The following EEFSEC variants were observed in gnomAD, a reference collection of about 807,000 sequenced individuals.
The protein encoded by EEFSEC is selenocysteine-specific elongation factor.
Under a neutral mutation model 42.1 loss-of-function variants are expected in EEFSEC, and 43 were observed. The ratio of observed to expected loss-of-function variants is 1.02; its 90% CI spans 0.80 to 1.32. EEFSEC has a LOEUF of 1.32. EEFSEC is among the 40% of genes most tolerant of loss of function. The pLI is 0.00. For missense variants in EEFSEC, 745 were observed against 803.6 expected, an observed-to-expected ratio of 0.93 and a Z score of 0.88; for synonymous variants, 354 against 339.1, an observed-to-expected ratio of 1.04 and a Z score of -0.48.
chr3:128,225,011 G>A (rs1214414913), intron 1 of EEFSEC, among the ~76,000 whole-genome samples: 2 of 152,228 alleles, frequency 1.3e-5, no homozygotes, highest in African/African-American at 4.8e-5. Flanking sequence ...CCCAGGCATG[G>A]TTACCCCGAG....
At chr3:128,420,611 C>G in the EEFSEC span, among the ~76,000 whole-genome samples, 1 of 152,240 alleles carries the variant, frequency 6.6e-6, no homozygotes, top group Non-Finnish European at 1.5e-5. Context: ...TCCTTCTTTC[C>G]TTGCAGGCCT....
intron 6 of EEFSEC, among the ~76,000 whole-genome samples, chr3:128,380,069 G>A (rs546398384): frequency 3.3e-5 from 5 of 152,334 alleles, no homozygotes; most frequent in Admixed American, 1.3e-4. Flanking sequence ...ATTAGTGGGT[G>A]TCTACAGCAG....
At chr3:128,213,171 C>T (rs915988126) in intron 1 of EEFSEC, among the ~76,000 whole-genome samples, 1 of 152,196 alleles carries the variant, frequency 6.6e-6, no homozygotes, top group Non-Finnish European at 1.5e-5. Context: ...TGGGTTGTGG[C>T]AGTTGCTGCA....
At chr3:128,335,313 T>C (rs2067177859) in intron 4 of EEFSEC, among the ~76,000 whole-genome samples, 1 of 152,082 alleles carries the variant, frequency 6.6e-6, no homozygotes, top group African/African-American at 2.4e-5. Context: ...AAAAACCAAG[T>C]GGGCAAGGTG....
At chr3:128,271,162 C>T (rs1443865712) in intron 4 of EEFSEC, among the ~76,000 whole-genome samples, 1 of 152,204 alleles carries the variant, frequency 6.6e-6, no homozygotes, top group African/African-American at 2.4e-5. Flanking sequence ...GGCAGCCCCC[C>T]ACTTCCTGCT....
At chr3:128,323,348 G>A (rs946472752) in intron 4 of EEFSEC, among the ~76,000 whole-genome samples, 4 of 152,144 alleles carry the variant, frequency 2.6e-5, no homozygotes, top group Admixed American at 2.6e-4. Context: ...TTCTCCAGGC[G>A]GATTCCCTGA....
chr3:128,175,111 A>C (rs1486194592), intron 1 of EEFSEC, among the ~76,000 whole-genome samples: 54 of 127,094 alleles, frequency 4.2e-4, no homozygotes, highest in African/African-American at 6.3e-4. Flanking sequence ...CCTCTGCTCT[A>C]CTCCTCCTCC....
intron 4 of EEFSEC, among the ~76,000 whole-genome samples, chr3:128,313,939 G>A (rs908065508): frequency 6.6e-6 from 1 of 152,194 alleles, no homozygotes; most frequent in African/African-American, 2.4e-5. Context: ...ACCTCTGCAT[G>A]TGGAAGCTTA....
At chr3:128,363,698 G>C (rs1702123) in intron 6 of EEFSEC, among the ~76,000 whole-genome samples, 154 of 152,356 alleles carry the variant, frequency 1.0e-3, no homozygotes, top group African/African-American at 3.6e-3. Flanking sequence ...ATGCCCATCA[G>C]TGTGCCATGC....
chr3:128,251,067 A>G (rs1456186340), intron 2 of EEFSEC, among the ~76,000 whole-genome samples: 2 of 151,928 alleles, frequency 1.3e-5, no homozygotes, highest in Non-Finnish European at 2.9e-5. Context: ...GTGGATAGAA[A>G]CACACCTGAT....
At chr3:128,283,841 G>A (rs986801576) in intron 4 of EEFSEC, among the ~76,000 whole-genome samples, 16 of 152,164 alleles carry the variant, frequency 1.1e-4, no homozygotes, top group African/African-American at 3.9e-4. Context: ...CATCCACACT[G>A]GGGAACTGGG....
At chr3:128,253,954 C>CTT (rs1318828493) in intron 2 of EEFSEC, among the ~76,000 whole-genome samples, 1 of 152,160 alleles carries the variant, frequency 6.6e-6, no homozygotes, top group African/African-American at 2.4e-5. Context: ...AGTTACGTCT[C>CTT]TTGTCTTTAA....
intron 4 of EEFSEC, among the ~76,000 whole-genome samples, chr3:128,340,323 G>A (rs1480804090): frequency 6.6e-6 from 1 of 151,184 alleles, no homozygotes; most frequent in Non-Finnish European, 1.5e-5. Context: ...TTTCTTTATA[G>A]CATATGTTGT....
intron 5 of EEFSEC, among the ~76,000 whole-genome samples, chr3:128,345,698 C>T (rs562054278): frequency 1.3e-5 from 2 of 152,360 alleles, no homozygotes; most frequent in East Asian, 3.9e-4. Context: ...AGTTAGCCTT[C>T]TGAGAACCTG....
chr3:128,271,694 C>T (rs2066414809), intron 4 of EEFSEC, among the ~76,000 whole-genome samples: 1 of 152,172 alleles, frequency 6.6e-6, no homozygotes, highest in Non-Finnish European at 1.5e-5. Context: ...CCTTCCTCTG[C>T]AGCACCATGG....
At chr3:128,371,322 C>T (rs1177022667) in intron 6 of EEFSEC, among the ~76,000 whole-genome samples, 2 of 152,088 alleles carry the variant, frequency 1.3e-5, no homozygotes. Context: ...GACAGGGTTC[C>T]CATCGACACT....
chr3:128,321,966 G>A (rs2067012556), intron 4 of EEFSEC, among the ~76,000 whole-genome samples: 1 of 152,328 alleles, frequency 6.6e-6, no homozygotes, highest in East Asian at 1.9e-4. Context: ...GGGAGAAGCA[G>A]TGAGTGAGGG....
chr3:128,189,782 ACTT>A (rs1383950124), intron 1 of EEFSEC, among the ~76,000 whole-genome samples: 2 of 151,560 alleles, frequency 1.3e-5, no homozygotes, highest in Non-Finnish European at 2.9e-5. Context: ...CTGATCTCGA[ACTT>A]CTGGGCTCAA....
chr3:128,184,164 A>T (rs553652561), intron 1 of EEFSEC, among the ~76,000 whole-genome samples: 1 of 152,222 alleles, frequency 6.6e-6, no homozygotes, highest in African/African-American at 2.4e-5. Flanking sequence ...CTTCCAAGTT[A>T]AAAAAAATTG....
Sources: allele counts gnomAD v4.1 joint callset (sites outside exome capture counted in the v4.1 genomes callset), GRCh38; gene constraint gnomAD v4.1.1; transcripts MANE v1.5; gene names NCBI Gene and HGNC (gene_info 2026-07-23, HGNC 2026-07-21).